Variants in TET1 observed in about 807,000 individuals in gnomAD.
The protein encoded by TET1 is methylcytosine dioxygenase TET1.
TET1 carries 13 observed loss-of-function variants against 148.7 expected under a neutral mutation model. The observed-to-expected ratio is 0.09, with a 90% CI of 0.06 to 0.14. TET1 has a LOEUF of 0.14. Among genes scored for constraint, TET1 ranks in the 10% least tolerant of loss-of-function variants. The pLI, the probability that TET1 is intolerant of heterozygous loss-of-function variation, is 1.00. For missense variants in TET1, 2,182 were observed against 2,553.8 expected (o/e 0.85, Z 3.14); for synonymous variants, 907 against 937.2 (o/e 0.97, Z 0.59).
intron 7 of TET1, among the ~76,000 whole-genome samples, chr10:68,669,399 A>C (rs1589125809): frequency 6.7e-6 from 1 of 148,752 alleles, no homozygotes; most frequent in African/African-American, 2.5e-5. Context: ...CAAACTCTGC[A>C]TCCCAGGTTC....
intron 3 of TET1, among the ~76,000 whole-genome samples, chr10:68,616,253 TCA>T (rs1456773244): frequency 3.3e-5 from 5 of 150,534 alleles, no homozygotes; most frequent in South Asian, 4.2e-4. Context: ...TGCATTGCAT[TCA>T]GTTGCTATAT....
At chr10:68,576,724 C>CT (rs2053735452) in intron 2 of TET1, among the ~76,000 whole-genome samples, 1 of 152,022 alleles carries the variant, frequency 6.6e-6, no homozygotes, top group African/African-American at 2.4e-5. Context: ...GTTTCTATTT[C>CT]TTTTTTTGTT....
intron 3 of TET1, among the ~76,000 whole-genome samples, chr10:68,624,279 T>G (rs927514786): frequency 8.6e-5 from 13 of 150,488 alleles, no homozygotes; most frequent in Non-Finnish European, 1.2e-4. Flanking sequence ...GTGTGTGTGT[T>G]TTTTGTTTGT....
chr10:68,595,868 G>T (rs1383795851), intron 2 of TET1, among the ~76,000 whole-genome samples: 2 of 111,340 alleles, frequency 1.8e-5, no homozygotes, highest in East Asian at 5.0e-4. Flanking sequence ...AGCCCGCCAT[G>T]GCCTCCCAAA....
intron 3 of TET1, among the ~76,000 whole-genome samples, chr10:68,634,896 A>G (rs545943990): frequency 2.9e-4 from 44 of 151,886 alleles, no homozygotes; most frequent in Non-Finnish European, 5.6e-4. Context: ...TGTGTAGCTG[A>G]GATTACAGGT....
intron 7 of TET1, among the ~76,000 whole-genome samples, chr10:68,672,487 CAAAAA>C (rs71483920): frequency 2.0e-5 from 1 of 49,732 alleles, no homozygotes; most frequent in African/African-American, 9.3e-5. Flanking sequence ...GACCCCATCT[CAAAAA>C]AAAAAAAAAA....
At chr10:68,676,249 TA>T (rs1564506014) in intron 8 of TET1, among the ~76,000 whole-genome samples, 564 of 26,902 alleles carry the variant, frequency 0.021, 21 homozygotes, top group Non-Finnish European at 0.025. Flanking sequence ...TATATATATA[TA>T]TATATATATA....
At chr10:68,649,334 GCAGTGGCTCACGCCTGTAAT>G (rs1171467431) in intron 4 of TET1, among the ~76,000 whole-genome samples, 1 of 152,122 alleles carries the variant, frequency 6.6e-6, no homozygotes, top group Non-Finnish European at 1.5e-5. Context: ...TCGGCTGGGT[GCAGTGGCTCACGCCTGTAAT>G]CCCAGCACTT....
rs2053979113 is a variant in TET1 at position 68,595,969 on chromosome 10, CACACACACATATAT to C, written c.1915-5002_1915-4989del. ...ATATATATATATATATATACACACA[CACACACACATATAT>C]ACACACACACACACACACACACACA... On this transcript the variant is annotated intron_variant, in intron 2 of 11. Transcript: ENST00000373644. Among the ~76,000 whole-genome samples, 6 of 41,966 alleles carry C rather than the reference CACACACACATATAT, an allele frequency of 1.4e-4. No individual in the cohort carries two copies. The East Asian group carries it at 3.2e-3, about 23-fold the overall frequency. The allele number at this position is 41,966 out of a possible 152,430, so 27.5% of individuals were successfully genotyped here. A position where few individuals can be genotyped will look rare whatever the true frequency, so the allele number is the denominator to read the frequency against.
Position 68,676,248 on chromosome 10 carries a change from ATATATATATATATATATATATTTTTTT to A in TET1, c.4824+3205_4824+3231del, listed in dbSNP as rs1314249717. ...TATGTATGTATGTGTATATATATAT[ATATATATATATATATATATATTTTTTT>A]TTTTTTTTTTTTTTTTTTTTTCTTC... On this transcript the variant is annotated intron_variant, in intron 8 of 11. Coordinates refer to ENST00000373644, the MANE Select transcript of TET1 (RefSeq NM_030625.3). 1.5e-3 allele frequency among the ~76,000 whole-genome samples: 32 copies of A among 20,764 alleles called. 1 individual carries two copies. The East Asian group carries it at 0.047, about 30-fold the overall frequency. 13.6% of individuals were successfully genotyped at this position (20,764 alleles called of 152,430 possible).
Position 68,690,878 on chromosome 10 carries a change from A to C in TET1, c.5475A>C (p.Ser1825=). 4 of 1,614,240 alleles carry C rather than the reference A, an allele frequency of 2.5e-6. No individual in the cohort carries two copies. Among genetic ancestry groups the C allele is most frequent in the Non-Finnish European group, 3.4e-6 (4 of 1,180,036 alleles). ...AACCCCATTTTATCTTAAAAAGTTC[A>C]GACAACACTAAAACTTATTCGCTGA... The part of the protein sequence containing the change: ...ETEPHFILKS[S]DNTKTYSLMP... The change falls in exon 12 of 12, where the codon TCA becomes TCC. Residue 1825 remains serine, a synonymous_variant. Coordinates refer to ENST00000373644, the MANE Select transcript of TET1 (RefSeq NM_030625.3).
At chr10:68,587,300 C>T (rs565556432) in intron 2 of TET1, among the ~76,000 whole-genome samples, 7 of 152,132 alleles carry the variant, frequency 4.6e-5, no homozygotes, top group Non-Finnish European at 8.8e-5. Context: ...GAGGACAAGA[C>T]AGTGGAAGGC....
intron 6 of TET1, among the ~76,000 whole-genome samples, chr10:68,662,446 TATTA>T (rs1238621644): frequency 1.3e-5 from 2 of 152,130 alleles, no homozygotes; most frequent in East Asian, 3.8e-4. Flanking sequence ...CTTTACTTAT[TATTA>T]ATTTTTATTA....
chr10:68,673,119 T>A, intron 8 of TET1, 74 bp downstream of exon 8: 1 of 1,344,192 alleles, frequency 7.4e-7, no homozygotes, highest in Non-Finnish European at 1.0e-6. Context: ...TCCTTTAACA[T>A]TTTTTGAAAC....
intron 2 of TET1, among the ~76,000 whole-genome samples, chr10:68,590,107 CTTTTCTT>C (rs2053902570): frequency 6.6e-6 from 1 of 152,044 alleles, no homozygotes; most frequent in Non-Finnish European, 1.5e-5. Flanking sequence ...ATAACACATG[CTTTTCTT>C]TTTTCTTTTT....
chr10:68,615,838 G>A (rs2054282867), intron 3 of TET1, among the ~76,000 whole-genome samples: 1 of 151,772 alleles, frequency 6.6e-6, no homozygotes, highest in African/African-American at 2.4e-5. Context: ...GTAGAGATGG[G>A]GTTTCTCCAT....
At chr10:68,618,840 T>C (rs964126405) in intron 3 of TET1, among the ~76,000 whole-genome samples, 2 of 152,144 alleles carry the variant, frequency 1.3e-5, no homozygotes, top group Non-Finnish European at 2.9e-5. Context: ...TGGTAGCAAA[T>C]GGTGTCATCT....
intron 1 of TET1, among the ~76,000 whole-genome samples, chr10:68,564,254 T>C (rs1313939517): frequency 6.6e-6 from 1 of 151,984 alleles, no homozygotes; most frequent in East Asian, 1.9e-4. Context: ...GTTCAAGTGA[T>C]TCTCCTTCCT....
Position 68,656,408 on chromosome 10 carries a change from G to A in TET1, c.4461+3814G>A, listed in dbSNP as rs1035674568. ...CTCCTGAGTAGCTGGGACTACAGGC[G>A]CCTGCCACCACACCTGGCTAATTTT... On this transcript the variant is annotated intron_variant, in intron 6 of 11. Transcript: ENST00000373644. Among the ~76,000 whole-genome samples, 52 of 152,082 alleles carry A rather than the reference G, an allele frequency of 3.4e-4. 2 individuals carry two copies. Among genetic ancestry groups the A allele is most frequent in the Non-Finnish European group, 2.9e-5 (2 of 67,992 alleles).
Sources: gnomAD v4.1 joint callset for allele counts (sites outside exome capture counted in the v4.1 genomes callset) on GRCh38, gnomAD v4.1.1 for gene constraint, MANE v1.5 for transcripts, NCBI Gene and HGNC (gene_info 2026-07-23, HGNC 2026-07-21) for gene names.